Variants in FAT1 observed in about 807,000 individuals in gnomAD.
The protein encoded by FAT1 is FAT atypical cadherin 1.
Under a neutral mutation model 329.8 loss-of-function variants are expected in FAT1, and 171 were observed. The ratio of observed to expected loss-of-function variants is 0.52; its 90% CI spans 0.46 to 0.59. FAT1 has a LOEUF of 0.59. FAT1 is among the 20% of genes least tolerant of loss of function. The pLI, the probability that FAT1 is intolerant of heterozygous loss-of-function variation, is 0.00. For missense variants in FAT1, 5,672 were observed against 5,774.4 expected (o/e 0.98, Z 0.57); for synonymous variants, 2,233 against 2,228.6 (o/e 1.00, Z -0.06).
rs553945787 is a variant in FAT1, at chr4:186,587,975, T to A, written c.*617A>T. On this transcript the variant is annotated 3_prime_UTR_variant, in exon 27 of 27. Transcript: ENST00000441802. ...ACACTTTCCAATAATGAAAAATGTT[T>A]ATAATTCTAAATACAGCAACCCATG... 1 of 216,782 alleles carries A rather than the reference T, an allele frequency of 4.6e-6. No homozygotes were observed. The highest frequency in any genetic ancestry group is 6.9e-5 in the East Asian group (1 of 14,418). 13.4% of individuals were successfully genotyped at this position (216,782 alleles called of 1,614,324 possible).
rs1560918477 is a variant in FAT1 at position 186,596,924 on chromosome 4, T to C, written c.12616A>G (p.Ile4206Val). 3 of 1,614,018 alleles carry C rather than the reference T, an allele frequency of 1.9e-6. No homozygotes were observed. Among genetic ancestry groups the C allele is most frequent in the South Asian group, 2.2e-5 (2 of 91,080 alleles). ...GCCTGATGCTTCTTTTTCCGACTAA[T>C]CATCTTACGGCAGAGAACAAACACC... ...VVVFVLCRKM[I>V]SRKKKHQAEP... The change falls in exon 25 of 27, where the codon ATT becomes GTT. Residue 4206 changes from isoleucine to valine, a missense_variant. By Grantham distance (29) the Ile-to-Val change is conservative. This residue lies in a region of FAT1 where 1,706 missense variants were observed against 1,859.1 expected (regional missense o/e 0.92). Transcript: ENST00000441802. The surrounding 1 kb of genome is among the most constrained non-coding windows in gnomAD (Gnocchi z 4.7).
intron 3 of FAT1, among the ~76,000 whole-genome samples, chr4:186,646,343 G>T (rs188679027): frequency 6.6e-6 from 1 of 151,982 alleles, no homozygotes; most frequent in African/African-American, 2.4e-5. Context: ...TGGCCTTTCC[G>T]CCCTTTTATT....
At chr4:186,716,386 G>A (rs940365751) in intron 1 of FAT1, among the ~76,000 whole-genome samples, 14 of 152,084 alleles carry the variant, frequency 9.2e-5, no homozygotes, top group Admixed American at 1.3e-4. Flanking sequence ...GTTCAGTTCA[G>A]TGTCACATTT....
At chr4:186,701,967 A>T (rs551238348) in intron 2 of FAT1, among the ~76,000 whole-genome samples, 12 of 151,484 alleles carry the variant, frequency 7.9e-5, no homozygotes, top group Admixed American at 7.9e-4. Flanking sequence ...GACCCCACAC[A>T]GGTGACACAG....
intron 2 of FAT1, among the ~76,000 whole-genome samples, chr4:186,687,239 T>C (rs1026617788): frequency 2.0e-5 from 3 of 152,200 alleles, no homozygotes; most frequent in Non-Finnish European, 4.4e-5. Context: ...GTTTCAATTA[T>C]GATAGTTCCC....
At chr4:186,701,049 C>G (rs1228269332) in intron 2 of FAT1, among the ~76,000 whole-genome samples, 1 of 152,188 alleles carries the variant, frequency 6.6e-6, no homozygotes, top group Non-Finnish European at 1.5e-5. Context: ...GAGTCACGGT[C>G]CCCCGAGTTC....
rs2126562745 is a variant in FAT1 at position 186,636,618 on chromosome 4, C to A, written c.3939G>T (p.Arg1313Ser). 4 of 1,613,154 alleles carry A rather than the reference C, an allele frequency of 2.5e-6. No homozygotes were observed. The highest frequency in any genetic ancestry group is 3.4e-6 in the Non-Finnish European group (4 of 1,179,548). Residue 1313 changes from arginine (R) to serine (S), a missense_variant, in exon 5 of 27, where the codon AGG becomes AGT. Physicochemically the swap from Arg to Ser is moderately radical, Grantham distance 110. This residue lies in a region of FAT1 where 3,966 missense variants were observed against 3,915.2 expected (regional missense o/e 1.01). Coordinates refer to ENST00000441802, the MANE Select transcript of FAT1 (RefSeq NM_005245.4). ...EPKTGVVSSK[R>S]FSAAGEYDIL... ...TATCATATTCTCCAGCTGCTGAAAA[C>A]CTCTTGGACGAAACCACTCCAGTTT...
rs114594630 is a variant in FAT1, at chr4:186,589,403, C to G, written c.13139-183G>C. Reference sequence around the variant, plus strand: ...CCCCCAACCCACTCCAGTTTAAAGACCCCTATGAACTAGGCTCTAGTTCTA... The same window carrying G: ...CCCCCAACCCACTCCAGTTTAAAGAGCCCTATGAACTAGGCTCTAGTTCTA... On this transcript the variant is annotated intron_variant, in intron 26 of 26. Coordinates refer to ENST00000441802, the MANE Select transcript of FAT1 (RefSeq NM_005245.4). Among the ~76,000 whole-genome samples, 493 of 152,274 alleles carry G rather than the reference C, an allele frequency of 3.2e-3. 8 individuals are homozygous for G. Among genetic ancestry groups the G allele is most frequent in the African/African-American group, 0.011 (469 of 41,546 alleles).
chr4:186,652,635 T>G (rs558121241), intron 3 of FAT1, among the ~76,000 whole-genome samples: 6 of 151,836 alleles, frequency 4.0e-5, no homozygotes, highest in African/African-American at 1.4e-4. Flanking sequence ...AAATAGGTAA[T>G]TTTTTTTTAA....
chr4:186,628,137 G>A lies in FAT1; in HGVS notation c.4810+17C>T, dbSNP rs778149848. 1.9e-6 allele frequency: 3 copies of A among 1,610,926 alleles called. No homozygotes were observed. Among genetic ancestry groups the A allele is most frequent in the African/African-American group, 2.7e-5 (2 of 74,868 alleles). ...ACAACTGCAAATTTAAAATGCCACT[G>A]AAGGCTCCAAAAGTACCTGACTCGA... On this transcript the variant is annotated intron_variant, in intron 9 of 26. Coordinates refer to ENST00000441802, the MANE Select transcript of FAT1 (RefSeq NM_005245.4).
chr4:186,601,215 A>C (rs1738798526), intron 21 of FAT1, 54 bp downstream of exon 21: 1 of 1,450,152 alleles, frequency 6.9e-7, no homozygotes, highest in African/African-American at 1.4e-5. Context: ...ATATAAAATG[A>C]AATTTATGGT....
In FAT1 at chr4:186,588,701, C is replaced by G. The variant is rs2126348521; in HGVS notation, c.13658G>C (p.Cys4553Ser). The stretch of plus-strand genomic sequence containing the variant: ...CATCATGACCTCGGACTCCACTTCG[C>G]AGCAGGCTGACACGTCAGAGCAGGA... ...TASCSDVSACCEVESEVMMSD... is the reference protein window; with the variant it reads ...TASCSDVSACSEVESEVMMSD... Residue 4553 changes from cysteine (C) to serine (S), a missense_variant, in exon 27 of 27, where the codon TGC becomes TCC. Around this residue, in one of 2 missense-constraint regions of FAT1, gnomAD observed 1,706 missense variants for 1,859.1 expected, o/e 0.92. Transcript: ENST00000441802. 1 of 1,613,980 alleles carries G rather than the reference C, an allele frequency of 6.2e-7. No homozygotes were observed. The highest frequency in any genetic ancestry group is 8.5e-7 in the Non-Finnish European group (1 of 1,179,902).
intron 21 of FAT1, among the ~76,000 whole-genome samples, chr4:186,600,824 C>G (rs909755334): frequency 3.9e-5 from 6 of 152,196 alleles, no homozygotes; most frequent in African/African-American, 1.4e-4. Flanking sequence ...GATTCTCGTG[C>G]CTCAGCCTCC....
rs757093702 is a variant in FAT1 at position 186,714,972 on chromosome 4, G to GGAGGCA, written c.-18-5133_-18-5128dup. 3.2e-4 allele frequency among the ~76,000 whole-genome samples: 49 copies of GGAGGCA among 152,280 alleles called. 1 individual carries two copies. The highest frequency in any genetic ancestry group is 4.9e-4 in the Non-Finnish European group (33 of 68,014). The stretch of plus-strand genomic sequence containing the variant: ...GTGCGCCTGTAGTCCCAGCTACTTG[G>GGAGGCA]GAGGCAGAGGCAGGAGAATCGCGTG... On this transcript the variant is annotated intron_variant, in intron 1 of 26. Coordinates refer to ENST00000441802, the MANE Select transcript of FAT1 (RefSeq NM_005245.4).
intron 1 of FAT1, among the ~76,000 whole-genome samples, chr4:186,716,705 A>C (rs915418602): frequency 2.0e-5 from 3 of 152,246 alleles, no homozygotes; most frequent in African/African-American, 7.2e-5. Context: ...GTTGTGAGCC[A>C]CTGGGCCTGG....
rs1427722377 is a variant in FAT1 at position 186,595,669 on chromosome 4, G to A, written c.13138+20C>T. 1 of 1,613,180 alleles carries A rather than the reference G, an allele frequency of 6.2e-7. No homozygotes were observed. The highest frequency in any genetic ancestry group is 8.5e-7 in the Non-Finnish European group (1 of 1,179,464). ...CAACAAGCAAGCAAAGCGCAGTGTT[G>A]CAGCACACTGCTGCCTCACCATTGT... On this transcript the variant is annotated intron_variant, in intron 26 of 26. Coordinates refer to ENST00000441802, the MANE Select transcript of FAT1 (RefSeq NM_005245.4).
chr4:186,708,594 T>C lies in FAT1; in HGVS notation c.1234A>G (p.Ser412Gly), dbSNP rs1428829715. The change falls in exon 2 of 27, where the codon AGT becomes GGT. Residue 412 changes from serine (S) to glycine (G), a missense_variant. This residue lies in a region of FAT1 where 3,966 missense variants were observed against 3,915.2 expected (regional missense o/e 1.01). Transcript: ENST00000441802. ...ATGAGACCAGTGTTGTAATTTAAAC[T>C]GAATTTAGCTTTTCCAGGTGTACTT... ...FKSTPGKAKF[S>G]LNYNTGLISI... The C allele has an allele frequency of 6.2e-7, 1 of 1,614,034 alleles. No individual in the cohort carries two copies. The highest frequency in any genetic ancestry group is 1.3e-5 in the African/African-American group (1 of 75,056).
Position 186,628,654 on chromosome 4 carries a change from A to G in FAT1, c.4433T>C (p.Ile1478Thr), listed in dbSNP as rs370782962. The change falls in exon 8 of 27, where the codon ATC (isoleucine) becomes ACC (threonine). Residue 1478 changes from isoleucine (I) to threonine (T), a missense_variant. This residue lies in a region of FAT1 where 3,966 missense variants were observed against 3,915.2 expected (regional missense o/e 1.01). Coordinates refer to ENST00000441802, the MANE Select transcript of FAT1 (RefSeq NM_005245.4). ...TTTCTCATCCTGATCCACAGCACTGATTTGCAAAATTTCTGTTTCTGGCGC... is the reference window on the plus strand; with the variant it reads ...TTTCTCATCCTGATCCACAGCACTGGTTTGCAAAATTTCTGTTTCTGGCGC... ...DTAPETEILQISAVDQDEKNK... is the reference protein window; with the variant it reads ...DTAPETEILQTSAVDQDEKNK... 136 of 1,614,000 alleles carry G rather than the reference A, an allele frequency of 8.4e-5. No homozygotes were observed. Among genetic ancestry groups the G allele is most frequent in the Non-Finnish European group, 1.1e-4 (129 of 1,179,902 alleles).
Position 186,708,078 on chromosome 4 carries a change from C to T in FAT1, c.1750G>A (p.Val584Met), listed in dbSNP as rs182393996. 2.5e-4 allele frequency: 403 copies of T among 1,613,954 alleles called. No individual in the cohort carries two copies. Among genetic ancestry groups the T allele is most frequent in the African/African-American group, 1.7e-3 (131 of 75,040 alleles). ...GAAACAGTGGTTATTTGCTCTCCCA[C>T]GCCTAGATCTCTGGGAATTGTCCCT... The part of the protein sequence containing the change: ...CEGTIPRDLG[V>M]GEQITTVSAI... Residue 584 changes from valine to methionine, a missense_variant, in exon 2 of 27, where the codon GTG (valine) becomes ATG (methionine). Coordinates refer to ENST00000441802, the MANE Select transcript of FAT1 (RefSeq NM_005245.4).
Sources: gnomAD v4.1 joint callset for allele counts (sites outside exome capture counted in the v4.1 genomes callset) on GRCh38, gnomAD v4.1.1 for gene constraint, gnomAD v4.1.1 regional missense constraint, Gnocchi (gnomAD v3.1) non-coding constraint, MANE v1.5 for transcripts, NCBI Gene and HGNC (gene_info 2026-07-23, HGNC 2026-07-21) for gene names.